The following ZNF407 variants were observed in gnomAD, a reference collection of about 807,000 sequenced individuals.
ZNF407 encodes zinc finger protein 407.
A neutral mutation model predicts 131.2 loss-of-function variants in ZNF407; 17 were observed. That is an observed-to-expected ratio of 0.13 (90% CI 0.09 to 0.19). The LOEUF (loss-of-function observed/expected upper bound fraction) is 0.19. Among genes scored for constraint, ZNF407 ranks in the 10% least tolerant of loss-of-function variants. The pLI is 1.00. For missense variants in ZNF407, 2,681 were observed against 2,830.6 expected (o/e 0.95, Z 1.20); for synonymous variants, 1,156 against 1,062.0 (o/e 1.09, Z -1.72).
chr18:74,790,018 A>G (rs1012133087), intron 4 of ZNF407, among the ~76,000 whole-genome samples: 1 of 152,014 alleles, frequency 6.6e-6, no homozygotes, highest in African/African-American at 2.4e-5. Flanking sequence ...TGTTTACTGT[A>G]TCTCTAATTG....
At position 74,867,214 on chromosome 18, in the gene ZNF407, T is replaced by G. The variant is rs9967398; in HGVS notation, c.4878-9983T>G. 6.4e-3 allele frequency among the ~76,000 whole-genome samples: 971 copies of G among 152,292 alleles called. 5 individuals carry two copies. The highest frequency in any genetic ancestry group is 0.022 in the African/African-American group (908 of 41,566). On this transcript the variant is annotated intron_variant, in intron 4 of 8. Coordinates refer to ENST00000299687, the MANE Select transcript of ZNF407 (RefSeq NM_017757.3). The stretch of plus-strand genomic sequence containing the variant: ...TTGTGTCTAATGCAGACACTACTTA[T>G]GATCAGCCGTGTTGTCTTTGGCATA...
At chr18:75,001,972 A>G (rs1040623655) in intron 8 of ZNF407, among the ~76,000 whole-genome samples, 1 of 152,158 alleles carries the variant, frequency 6.6e-6, no homozygotes, top group Non-Finnish European at 1.5e-5. Flanking sequence ...TCTGCAATGC[A>G]CAGGCAGCCC....
chr18:74,713,881 T>C (rs1967829278), intron 3 of ZNF407, among the ~76,000 whole-genome samples: 1 of 152,202 alleles, frequency 6.6e-6, no homozygotes, highest in Non-Finnish European at 1.5e-5. Flanking sequence ...CTTTGAATAT[T>C]ATGTTTGGCA....
chr18:74,761,016 C>T (rs576944797), intron 3 of ZNF407, among the ~76,000 whole-genome samples: 1 of 151,970 alleles, frequency 6.6e-6, no homozygotes, highest in Non-Finnish European at 1.5e-5. Flanking sequence ...TCTGGCTGTC[C>T]CTCCTCTCAT....
chr18:75,008,777 T>C, intron 8 of ZNF407, among the ~76,000 whole-genome samples: 1 of 152,202 alleles, frequency 6.6e-6, no homozygotes, highest in Non-Finnish European at 1.5e-5. Flanking sequence ...CGGTTTTACT[T>C]TTTATAAATC....
intron 3 of ZNF407, among the ~76,000 whole-genome samples, chr18:74,641,540 T>G (rs1013937590): frequency 1.3e-5 from 2 of 152,204 alleles, no homozygotes; most frequent in African/African-American, 4.8e-5. Flanking sequence ...GGACTTATTC[T>G]GTAAGGAAAG....
intron 8 of ZNF407, among the ~76,000 whole-genome samples, chr18:74,925,438 C>T (rs1008303063): frequency 1.3e-5 from 2 of 152,170 alleles, no homozygotes; most frequent in African/African-American, 2.4e-5. Context: ...GCCTCATTAA[C>T]GTAAAACAGC....
intron 8 of ZNF407, among the ~76,000 whole-genome samples, chr18:75,040,555 G>A (rs980730489): frequency 6.6e-6 from 1 of 152,044 alleles, no homozygotes; most frequent in Non-Finnish European, 1.5e-5. Context: ...AGGTTGAATT[G>A]GCTACACGTG....
chr18:74,827,023 CA>C (rs1599180131), intron 4 of ZNF407, among the ~76,000 whole-genome samples: 1 of 152,238 alleles, frequency 6.6e-6, no homozygotes, highest in Non-Finnish European at 1.5e-5. Flanking sequence ...CCCTTCACAG[CA>C]AAAGGATCCA....
At chr18:75,062,922 T>C in intron 8 of ZNF407, 2 of 442,964 alleles carry the variant, frequency 4.5e-6, no homozygotes, top group Non-Finnish European at 4.0e-6. Flanking sequence ...TGTGGGGAAA[T>C]GCACACCCAG....
chr18:74,878,221 T>C (rs555199152), intron 5 of ZNF407, among the ~76,000 whole-genome samples: 2 of 152,298 alleles, frequency 1.3e-5, no homozygotes, highest in South Asian at 2.1e-4. Flanking sequence ...GCCATATTCC[T>C]GTGAGCTGTT....
At chr18:74,975,722 T>C (rs1429844132) in intron 8 of ZNF407, among the ~76,000 whole-genome samples, 2 of 152,300 alleles carry the variant, frequency 1.3e-5, no homozygotes, top group African/African-American at 4.8e-5. Context: ...AATGAAACCC[T>C]GATTTTTCTC....
chr18:74,987,277 T>C (rs897424194), intron 8 of ZNF407, among the ~76,000 whole-genome samples: 2 of 152,178 alleles, frequency 1.3e-5, no homozygotes, highest in African/African-American at 4.8e-5. Context: ...TAAGATCACA[T>C]TGATTTTATA....
At chr18:74,764,299 G>A (rs1035306914) in intron 3 of ZNF407, among the ~76,000 whole-genome samples, 2 of 151,922 alleles carry the variant, frequency 1.3e-5, no homozygotes, top group Non-Finnish European at 1.5e-5. Flanking sequence ...TGCTTTTTTT[G>A]TGTGTGTTTT....
At chr18:74,821,943 A>T (rs2145103282) in intron 4 of ZNF407, among the ~76,000 whole-genome samples, 1 of 152,246 alleles carries the variant, frequency 6.6e-6, no homozygotes, top group Middle Eastern at 3.4e-3. Flanking sequence ...TTGTTTCCTG[A>T]CTTTTTAATG....
chr18:74,889,800 A>C (rs1158176721), intron 6 of ZNF407, 118 bp from the exon 7 acceptor site: 2 of 902,646 alleles, frequency 2.2e-6, no homozygotes, highest in African/African-American at 3.4e-5. Context: ...GAGTCCATTG[A>C]ATCATATTCT....
chr18:74,694,051 A>G (rs1236202197), intron 3 of ZNF407, among the ~76,000 whole-genome samples: 1 of 152,124 alleles, frequency 6.6e-6, no homozygotes, highest in East Asian at 1.9e-4. Flanking sequence ...CATGGGTTAC[A>G]TTTCGTTGCT....
At chr18:74,691,811 G>C (rs1010764385) in intron 3 of ZNF407, among the ~76,000 whole-genome samples, 3 of 151,896 alleles carry the variant, frequency 2.0e-5, no homozygotes, top group Non-Finnish European at 4.4e-5. Context: ...TAATATTTAT[G>C]GGCCGAGTTT....
intron 7 of ZNF407, among the ~76,000 whole-genome samples, chr18:74,901,340 G>C (rs1002598990): frequency 6.6e-6 from 1 of 152,132 alleles, no homozygotes; most frequent in Non-Finnish European, 1.5e-5. Context: ...TAAAAACAGT[G>C]ATGTATTTCC....
Sources: allele counts gnomAD v4.1 joint callset (sites outside exome capture counted in the v4.1 genomes callset), GRCh38; gene constraint gnomAD v4.1.1; transcripts MANE v1.5; gene names NCBI Gene and HGNC (gene_info 2026-07-23, HGNC 2026-07-21).